ERBB4: variants seen among roughly 807,000 people sequenced by gnomAD.
ERBB4 encodes the protein erb-b2 receptor tyrosine kinase 4, also known as receptor tyrosine-protein kinase erbB-4.
Under a neutral mutation model 158.0 loss-of-function variants are expected in ERBB4, and 42 were observed. The ratio of observed to expected loss-of-function variants is 0.27; its 90% confidence interval spans 0.21 to 0.34. The LOEUF (loss-of-function observed/expected upper bound fraction) is 0.34. ERBB4 is among the 10% of genes least tolerant of loss of function. ERBB4 has a pLI of 1.00. For missense variants in ERBB4, 1,333 were observed against 1,624.1 expected (o/e 0.82, Z 3.08); for synonymous variants, 583 against 558.7 (o/e 1.04, Z -0.61).
At chr2:211,663,749 A>G (rs771088229) in intron 15 of ERBB4, among the ~76,000 whole-genome samples, 4 of 152,202 alleles carry the variant, frequency 2.6e-5, no homozygotes, top group Admixed American at 6.5e-5. Context: ...TTTGAATGGC[A>G]ACAGCTGTTG....
chr2:211,886,277 C>CATTA (rs2078798314), intron 3 of ERBB4, among the ~76,000 whole-genome samples: 1 of 152,158 alleles, frequency 6.6e-6, no homozygotes, highest in South Asian at 2.1e-4. Context: ...ATTAACTAAT[C>CATTA]CCCTGTTGAC....
In ERBB4 at chr2:211,492,624, C is replaced by T. The variant is rs1033114584; in HGVS notation, c.2488-61524G>A. Among the ~76,000 whole-genome samples the T allele has an allele frequency of 3.0e-4, 46 of 151,916 alleles. 1 individual carries two copies. Among genetic ancestry groups the T allele is most frequent in the African/African-American group, 1.1e-3 (46 of 41,396 alleles). ...TACCTGCTCAGCAAGAAATAGAAAA[C>T]AATAAGCACAACAACAATTTTAAAA... On this transcript the variant is annotated intron_variant, in intron 20 of 27. Coordinates refer to ENST00000342788, the MANE Select transcript of ERBB4 (RefSeq NM_005235.3).
At chr2:212,100,651 G>A (rs940826918) in intron 2 of ERBB4, among the ~76,000 whole-genome samples, 3 of 152,128 alleles carry the variant, frequency 2.0e-5, no homozygotes, top group Non-Finnish European at 4.4e-5. Context: ...AACCTCAGGG[G>A]AATGGCCAAA....
intron 2 of ERBB4, among the ~76,000 whole-genome samples, chr2:212,052,276 G>C (rs564553310): frequency 1.6e-4 from 25 of 152,298 alleles, no homozygotes; most frequent in Non-Finnish European, 3.1e-4. Flanking sequence ...TATACCAGTG[G>C]TTTGCCAGGG....
At chr2:211,766,721 C>G (rs6435668) in intron 4 of ERBB4, among the ~76,000 whole-genome samples, 21,699 of 152,114 alleles carry the variant, frequency 0.14, 1,762 homozygotes, top group South Asian at 0.33. Context: ...GGGAACCTAA[C>G]GCCGATCTGT....
chr2:212,015,222 C>T lies in ERBB4; in HGVS notation c.235-67606G>A, dbSNP rs200003259. Among the ~76,000 whole-genome samples, 42 of 147,870 alleles carry T rather than the reference C, an allele frequency of 2.8e-4. No homozygotes were observed. In the East Asian group the frequency reaches 5.5e-3, roughly 19 times the overall value. On this transcript the variant is annotated intron_variant, in intron 2 of 27. Coordinates refer to ENST00000342788, the MANE Select transcript of ERBB4 (RefSeq NM_005235.3). Reference sequence around the variant, plus strand: ...CAGAGCTTGCAGTGAGCCAAGATCGCGCCACTGCACTCCAGCCTGGGCAAC... The same window carrying T: ...CAGAGCTTGCAGTGAGCCAAGATCGTGCCACTGCACTCCAGCCTGGGCAAC...
intron 13 of ERBB4, among the ~76,000 whole-genome samples, chr2:211,674,157 A>G (rs2071963302): frequency 6.6e-6 from 1 of 152,156 alleles, no homozygotes; most frequent in Admixed American, 6.5e-5. Flanking sequence ...AGTACTGAGT[A>G]CAGACAATTT....
intron 3 of ERBB4, among the ~76,000 whole-genome samples, chr2:211,868,416 T>G (rs1249312711): frequency 6.6e-6 from 1 of 152,232 alleles, no homozygotes; most frequent in Non-Finnish European, 1.5e-5. Context: ...CATGGTTTTA[T>G]GGCTCACTGC....
At chr2:212,520,734 C>T (rs865912117) in intron 1 of ERBB4, among the ~76,000 whole-genome samples, 4 of 151,940 alleles carry the variant, frequency 2.6e-5, no homozygotes, top group Non-Finnish European at 5.9e-5. Flanking sequence ...TTCTAACCCA[C>T]GGACTGTAGG....
intron 12 of ERBB4, among the ~76,000 whole-genome samples, chr2:211,688,173 A>G (rs1333171353): frequency 2.0e-5 from 3 of 152,218 alleles, no homozygotes; most frequent in African/African-American, 7.2e-5. Context: ...TCATCCATGT[A>G]GTTACCATTT....
chr2:211,532,410 C>T (rs1055042774), intron 20 of ERBB4, among the ~76,000 whole-genome samples: 1 of 151,980 alleles, frequency 6.6e-6, no homozygotes, highest in Admixed American at 6.6e-5. Context: ...TAAACATATA[C>T]ACCTACTATG....
At chr2:212,312,498 T>C (rs1655631189) in intron 1 of ERBB4, among the ~76,000 whole-genome samples, 1 of 151,022 alleles carries the variant, frequency 6.6e-6, no homozygotes, top group African/African-American at 2.4e-5. Context: ...AAAATTTTTT[T>C]TCTTGCTACT....
chr2:211,620,313 T>C lies in ERBB4; in HGVS notation c.2203-1038A>G, dbSNP rs1039926252. Among the ~76,000 whole-genome samples, 6 of 152,148 alleles carry C rather than the reference T, an allele frequency of 3.9e-5. 1 individual carries two copies. Among genetic ancestry groups the C allele is most frequent in the Admixed American group, 3.3e-4 (5 of 15,276 alleles). On this transcript the variant is annotated intron_variant, in intron 18 of 27. Coordinates refer to ENST00000342788, the MANE Select transcript of ERBB4 (RefSeq NM_005235.3). ...ATTAAAATGAAAGAATGAAAAATAATAGTTTGTTATTCCTGAACAAAACAT... is the reference window on the plus strand; with the variant it reads ...ATTAAAATGAAAGAATGAAAAATAACAGTTTGTTATTCCTGAACAAAACAT...
At chr2:211,713,902 G>T (rs963425509) in intron 7 of ERBB4, among the ~76,000 whole-genome samples, 1 of 152,142 alleles carries the variant, frequency 6.6e-6, no homozygotes, top group African/African-American at 2.4e-5. Context: ...AGATAGAGTA[G>T]ATTTCTTTTA....
At chr2:211,452,040 A>T (rs2064258443) in intron 20 of ERBB4, among the ~76,000 whole-genome samples, 1 of 152,168 alleles carries the variant, frequency 6.6e-6, no homozygotes, top group Non-Finnish European at 1.5e-5. Context: ...ATTATTTTGA[A>T]GTGACATTCC....
chr2:211,750,269 T>G (rs1279931728), intron 5 of ERBB4, among the ~76,000 whole-genome samples: 1 of 152,136 alleles, frequency 6.6e-6, no homozygotes, highest in Non-Finnish European at 1.5e-5. Context: ...TTGTAATGAA[T>G]GAATAGTGAA....
At chr2:211,940,661 G>A (rs2080468838) in intron 3 of ERBB4, among the ~76,000 whole-genome samples, 1 of 152,118 alleles carries the variant, frequency 6.6e-6, no homozygotes, top group Non-Finnish European at 1.5e-5. Context: ...CATAAATTAA[G>A]GGAGCTGAAT....
chr2:211,720,694 G>A (rs2074064237), intron 7 of ERBB4, among the ~76,000 whole-genome samples: 1 of 152,098 alleles, frequency 6.6e-6, no homozygotes, highest in African/African-American at 2.4e-5. Context: ...TTTATTCAGT[G>A]CTGTTCTATT....
chr2:212,439,312 C>T (rs2092203641), intron 1 of ERBB4, among the ~76,000 whole-genome samples: 1 of 152,158 alleles, frequency 6.6e-6, no homozygotes, highest in South Asian at 2.1e-4. Flanking sequence ...TTCTGCCTCA[C>T]TTCTACGTTT....
Sources: gnomAD v4.1 joint callset for allele counts (sites outside exome capture counted in the v4.1 genomes callset) on GRCh38, gnomAD v4.1.1 for gene constraint, MANE v1.5 for transcripts, NCBI Gene and HGNC (gene_info 2026-07-23, HGNC 2026-07-21) for gene names.